The following AMY2B variants were observed in gnomAD, a reference collection of about 807,000 sequenced individuals.
The protein encoded by AMY2B is amylase alpha 2B, also known as alpha-amylase 2B.
AMY2B carries 63 observed loss-of-function variants against 59.3 expected under a neutral mutation model. The observed-to-expected ratio is 1.06, with a 90% CI of 0.87 to 1.31. AMY2B has a LOEUF of 1.31. AMY2B is among the 50% of genes most tolerant of loss of function. The pLI, the probability that AMY2B is intolerant of heterozygous loss-of-function variation, is 0.00. For synonymous variants in AMY2B, 180 were observed against 198.1 expected (o/e 0.91, Z 0.77); for missense variants, 635 against 626.7 (o/e 1.01, Z -0.14).
chr1:103,571,306 G>T (rs1652121384), upstream of AMY2B: 1 of 825,450 alleles, frequency 1.2e-6, no homozygotes, highest in Middle Eastern at 4.0e-4. Context: ...ACAAATTTTG[G>T]TTTTCTACTG....
intron 2 of AMY2B, 72 bp downstream of exon 2, chr1:103,572,328 T>C (rs1652168855): frequency 6.4e-7 from 1 of 1,555,970 alleles, no homozygotes; most frequent in Admixed American, 2.1e-5. Context: ...TCTTGCTCCT[T>C]TTCAGCAGAA....
upstream of AMY2B, chr1:103,571,239 C>A (rs536467897): frequency 1.4e-6 from 1 of 696,166 alleles, no homozygotes; most frequent in Non-Finnish European, 2.0e-6. Context: ...TGTATTCATC[C>A]TTTTAATTTA....
chr1:103,574,531 C>T lies in AMY2B; in HGVS notation c.878+138C>T, dbSNP rs113641694. On this transcript the variant is annotated intron_variant, in intron 5 of 9. Transcript: ENST00000684275. ...TTGTTAATGATAAGTATTCTAGTGC[C>T]CTAAACTCTAATCAATCATCTTTTG... The T allele has an allele frequency of 6.9e-3, 10,490 of 1,515,692 alleles. 67 individuals carry two copies. The highest frequency in any genetic ancestry group is 8.3e-3 in the Non-Finnish European group (9,361 of 1,127,092). The allele number at this position is 1,515,692 out of a possible 1,614,324, so 93.9% of individuals were successfully genotyped here. A position where few individuals can be genotyped will look rare whatever the true frequency, so the allele number is the denominator to read the frequency against.
At chr1:103,566,184 C>T (rs1307743128) in intron 2 of AMY2B, among the ~76,000 whole-genome samples, 1 of 152,076 alleles carries the variant, frequency 6.6e-6, no homozygotes, top group Non-Finnish European at 1.5e-5. Flanking sequence ...AATTTTATCT[C>T]CCCTTATTCC....
intron 2 of AMY2B, among the ~76,000 whole-genome samples, chr1:103,566,175 A>G (rs1427114245): frequency 6.6e-6 from 1 of 152,160 alleles, no homozygotes; most frequent in Non-Finnish European, 1.5e-5. Flanking sequence ...CTTCAAGTCA[A>G]TTTTATCTCC....
chr1:103,562,545 G>C (rs1422300167), intron 1 of AMY2B, among the ~76,000 whole-genome samples: 1 of 151,972 alleles, frequency 6.6e-6, no homozygotes, highest in Non-Finnish European at 1.5e-5. Flanking sequence ...CAACTAACTT[G>C]ATCAAGTTCA....
At chr1:103,577,948 G>A (rs1244954903) in intron 9 of AMY2B, 103 bp downstream of exon 9, 5 of 1,564,446 alleles carry the variant, frequency 3.2e-6, no homozygotes, top group South Asian at 1.2e-5. Flanking sequence ...AAATCATGTA[G>A]TCAGTGGAGC....
chr1:103,579,242 T>C, intron 9 of AMY2B, 69 bp from the exon 10 acceptor site: 2 of 1,610,822 alleles, frequency 1.2e-6, no homozygotes, highest in East Asian at 4.5e-5. Context: ...AGTTATGCTG[T>C]TTAGTTGTGT....
chr1:103,567,570 C>G (rs943902218), upstream of AMY2B, among the ~76,000 whole-genome samples: 1 of 152,166 alleles, frequency 6.6e-6, no homozygotes, highest in African/African-American at 2.4e-5. Context: ...TAGTCCAAGC[C>G]ACTCACCTCT....
At chr1:103,558,482 A>G (rs1651628264) in intron 1 of AMY2B, among the ~76,000 whole-genome samples, 1 of 152,200 alleles carries the variant, frequency 6.6e-6, no homozygotes, top group African/African-American at 2.4e-5. Context: ...GACTATTGGA[A>G]TGAACTTGTT....
At position 103,571,914 on chromosome 1, in the gene AMY2B, G is replaced by A. The variant is rs1348224298; in HGVS notation, c.168+144G>A. On this transcript the variant is annotated intron_variant, in intron 1 of 9. Coordinates refer to ENST00000684275, the MANE Select transcript of AMY2B (RefSeq NM_001387437.1). ...AGTTTTCTGAGGAAAAAACAATGTA[G>A]TATTCTTGGCAACTTTATATTTTGT... The A allele has an allele frequency of 2.5e-6, 4 of 1,571,502 alleles. No homozygotes were observed. In the African/African-American group the frequency reaches 5.5e-5, roughly 21 times the overall value.
At chr1:103,579,186 G>T (rs1480676841) in intron 9 of AMY2B, 125 bp from the exon 10 acceptor site, 2 of 1,562,944 alleles carry the variant, frequency 1.3e-6, no homozygotes, top group African/African-American at 2.7e-5. Flanking sequence ...AGGCATATGG[G>T]TTTTCTTCTT....
Position 103,571,914 on chromosome 1 carries a change from GTAT to G in AMY2B, c.168+146_168+148del, listed in dbSNP as rs1306945651. 5 of 1,571,502 alleles carry G rather than the reference GTAT, an allele frequency of 3.2e-6. No individual in the cohort carries two copies. The Admixed American group carries it at 5.6e-5, about 18-fold the overall frequency. On this transcript the variant is annotated intron_variant, in intron 1 of 9. Coordinates refer to ENST00000684275, the MANE Select transcript of AMY2B (RefSeq NM_001387437.1). ...AGTTTTCTGAGGAAAAAACAATGTA[GTAT>G]TCTTGGCAACTTTATATTTTGTTTC...
chr1:103,564,963 TC>T (rs1651857672), intron 1 of AMY2B: 1 of 151,822 alleles, frequency 6.6e-6, no homozygotes, highest in African/African-American at 2.4e-5. Flanking sequence ...AATCACAGAG[TC>T]CCCATTTGAC....
At chr1:103,572,529 G>A (rs1027792546) in intron 2 of AMY2B, among the ~76,000 whole-genome samples, 6 of 152,084 alleles carry the variant, frequency 3.9e-5, no homozygotes, top group Non-Finnish European at 7.4e-5. Flanking sequence ...ATATTTCCTG[G>A]AAAGAGTTTT....
Position 103,573,864 on chromosome 1 carries a change from G to T in AMY2B, c.670G>T (p.Ala224Ser), listed in dbSNP as rs1489072095. 5 of 1,613,806 alleles carry T rather than the reference G, an allele frequency of 3.1e-6. No homozygotes were observed. The highest frequency in any genetic ancestry group is 3.3e-5 in the Admixed American group (2 of 59,982). ...SKHMWPGDIK[A>S]ILDKLHNLNS... ...GCACATGTGGCCTGGAGACATAAAG[G>T]CAATTTTGGACAAACTGCATAATCT... Residue 224 changes from alanine (A) to serine (S), a missense_variant, in exon 4 of 10, where the codon GCA becomes TCA. Transcript: ENST00000684275.
intron 1 of AMY2B, among the ~76,000 whole-genome samples, chr1:103,561,423 A>G (rs1651730769): frequency 6.6e-6 from 1 of 152,070 alleles, no homozygotes; most frequent in African/African-American, 2.4e-5. Context: ...GCCAGATACC[A>G]TGCCCAGCTA....
At chr1:103,571,208 G>C, upstream of AMY2B, 2 of 758,624 alleles carry the variant, frequency 2.6e-6, no homozygotes, top group Non-Finnish European at 3.4e-6. Context: ...GTTGGAAGCG[G>C]TTTGCATTTA....
intron 2 of AMY2B, 115 bp from the exon 3 acceptor site, chr1:103,572,948 T>C (rs1652194258): frequency 4.4e-6 from 7 of 1,580,074 alleles, no homozygotes; most frequent in Non-Finnish European, 6.0e-6. Flanking sequence ...AAAATAGTTA[T>C]AAGATATCAT....
Sources: allele counts gnomAD v4.1 joint callset (sites outside exome capture counted in the v4.1 genomes callset), GRCh38; gene constraint gnomAD v4.1.1; transcripts MANE v1.5; gene names NCBI Gene and HGNC (gene_info 2026-07-23, HGNC 2026-07-21).